Variants in ARFGEF2 observed in about 807,000 individuals in gnomAD.
The protein encoded by ARFGEF2 is brefeldin A-inhibited guanine nucleotide-exchange protein 2.
Under a neutral mutation model 219.9 loss-of-function variants are expected in ARFGEF2, and 74 were observed. The ratio of observed to expected loss-of-function variants is 0.34; its 90% CI spans 0.28 to 0.41. The LOEUF is 0.41. ARFGEF2 is among the 10% of genes least tolerant of loss of function. The pLI is 1.00. For synonymous variants in ARFGEF2, 733 were observed against 799.2 expected (o/e 0.92, Z 1.40); for missense variants, 1,743 against 2,218.3 (o/e 0.79, Z 4.30).
chr20:48,946,157 G>A lies in ARFGEF2; in HGVS notation c.276+4170G>A, dbSNP rs116248584. On this transcript the variant is annotated intron_variant, in intron 3 of 38. Transcript: ENST00000371917. ...ATCGGGGTAAAGTTTGGTTTGGGCA[G>A]AATTGAAACCAGCTGCAGATACATC... Among the ~76,000 whole-genome samples the A allele has an allele frequency of 8.0e-3, 1,216 of 152,300 alleles. 18 individuals are homozygous for A. The highest frequency in any genetic ancestry group is 0.027 in the African/African-American group (1,140 of 41,558).
At chr20:48,931,188 G>C (rs2090910969) in intron 1 of ARFGEF2, among the ~76,000 whole-genome samples, 1 of 152,214 alleles carries the variant, frequency 6.6e-6, no homozygotes, top group Admixed American at 6.5e-5. Flanking sequence ...GTTGGCTGTG[G>C]GAGGAGGGAG....
At chr20:48,936,324 C>T (rs576445346) in intron 1 of ARFGEF2, among the ~76,000 whole-genome samples, 72 of 148,018 alleles carry the variant, frequency 4.9e-4, no homozygotes, top group African/African-American at 1.7e-3. Context: ...CCCTCCCGGA[C>T]GGGGCGGCTG....
At chr20:48,981,255 G>C (rs2091293932) in intron 14 of ARFGEF2, among the ~76,000 whole-genome samples, 1 of 152,168 alleles carries the variant, frequency 6.6e-6, no homozygotes, top group Non-Finnish European at 1.5e-5. Flanking sequence ...AGTTTGGCTG[G>C]ATATGAAATT....
intron 1 of ARFGEF2, among the ~76,000 whole-genome samples, chr20:48,937,799 C>T (rs2090967999): frequency 2.0e-5 from 3 of 152,198 alleles, no homozygotes; most frequent in Admixed American, 2.0e-4. Context: ...AACGCTTGCT[C>T]ATTCCCATTC....
chr20:48,998,428 A>G lies in ARFGEF2; in HGVS notation c.3355A>G (p.Ile1119Val), dbSNP rs758222891. ...GTTCAGCTTGCAGAAGATTGTGGAG[A>G]TATCATACTACAACATGAATCGGAT... ...RMFSLQKIVEISYYNMNRIRL... is the reference protein window; with the variant it reads ...RMFSLQKIVEVSYYNMNRIRL... The change falls in exon 25 of 39, where the codon ATA becomes GTA. Residue 1119 changes from isoleucine to valine, a missense_variant. Ile to Val is a conservative substitution (Grantham distance 29). This residue lies in a region of ARFGEF2 where 3 missense variants were observed against 25.5 expected (regional missense o/e 0.12). Transcript: ENST00000371917. 2.5e-6 allele frequency: 4 copies of G among 1,613,920 alleles called. No individual in the cohort carries two copies. The highest frequency in any genetic ancestry group is 2.7e-5 in the African/African-American group (2 of 74,868).
intron 14 of ARFGEF2, 138 bp from the exon 15 acceptor site, chr20:48,984,591 C>T (rs1416281403): frequency 8.9e-7 from 1 of 1,126,572 alleles, no homozygotes; most frequent in Non-Finnish European, 1.3e-6. Flanking sequence ...GAAAAGCTGC[C>T]AGGACAGACA....
chr20:48,933,890 C>T (rs373890543), intron 1 of ARFGEF2, among the ~76,000 whole-genome samples: 34 of 152,138 alleles, frequency 2.2e-4, no homozygotes, highest in East Asian at 2.1e-3. Flanking sequence ...AAGGCTGAGG[C>T]GGGTGTGTCA....
intron 4 of ARFGEF2, 124 bp downstream of exon 4, chr20:48,951,593 A>C (rs2123350743): frequency 7.6e-7 from 1 of 1,314,560 alleles, no homozygotes; most frequent in East Asian, 2.4e-5. Context: ...AGAAAGATTT[A>C]AGCGTCACTT....
chr20:48,956,631 T>C (rs180841289), intron 6 of ARFGEF2, among the ~76,000 whole-genome samples: 1 of 152,316 alleles, frequency 6.6e-6, no homozygotes, highest in Admixed American at 6.5e-5. Context: ...TGTAGTGCAG[T>C]GGTGAGATCT....
chr20:48,924,451 G>C (rs1450888776), intron 1 of ARFGEF2, among the ~76,000 whole-genome samples: 1 of 146,470 alleles, frequency 6.8e-6, no homozygotes, highest in Non-Finnish European at 1.5e-5. Context: ...GGTGGAGCTT[G>C]CAGTGAGCTG....
At chr20:48,995,956 A>G in intron 23 of ARFGEF2, 74 bp downstream of exon 23, 2 of 1,298,930 alleles carry the variant, frequency 1.5e-6, no homozygotes, top group Middle Eastern at 1.8e-4. Flanking sequence ...CTGGACATGA[A>G]TGATTCCTAA....
chr20:48,992,982 C>T lies in ARFGEF2; in HGVS notation c.2974-1469C>T, dbSNP rs772482295. Among the ~76,000 whole-genome samples, 4 of 152,152 alleles carry T rather than the reference C, an allele frequency of 2.6e-5. No homozygotes were observed. The South Asian group carries it at 8.3e-4, about 32-fold the overall frequency. ...GCAGGATTGCTTGAGCCCAGGAGTT[C>T]AAGGCTGTAGTGAGCCTTGATTGCA... On this transcript the variant is annotated intron_variant, in intron 21 of 38. Transcript: ENST00000371917.
chr20:48,925,049 G>C (rs1412460706), intron 1 of ARFGEF2, among the ~76,000 whole-genome samples: 1 of 152,094 alleles, frequency 6.6e-6, no homozygotes, highest in African/African-American at 2.4e-5. Flanking sequence ...TGCTCTATTT[G>C]GTTTGTAGAT....
intron 13 of ARFGEF2, among the ~76,000 whole-genome samples, chr20:48,975,321 TA>T (rs1244544314): frequency 6.6e-6 from 1 of 152,212 alleles, no homozygotes; most frequent in African/African-American, 2.4e-5. Flanking sequence ...GCTCTGGGAT[TA>T]CAGACGTGAG....
chr20:48,985,204 C>A (rs2091320175), intron 15 of ARFGEF2, among the ~76,000 whole-genome samples: 1 of 139,706 alleles, frequency 7.2e-6, no homozygotes, highest in Admixed American at 8.2e-5. Flanking sequence ...GTGCCCCCTC[C>A]TCTTCCTTCA....
At chr20:48,946,811 T>G (rs1368224443) in intron 3 of ARFGEF2, among the ~76,000 whole-genome samples, 1 of 151,388 alleles carries the variant, frequency 6.6e-6, no homozygotes, top group Admixed American at 6.6e-5. Context: ...GTTTTTTTGG[T>G]TTTTTTTAGA....
intron 27 of ARFGEF2, 140 bp from the exon 28 acceptor site, chr20:49,011,784 T>G: frequency 9.4e-7 from 1 of 1,064,884 alleles, no homozygotes; most frequent in Non-Finnish European, 1.4e-6. Flanking sequence ...CTTCCAAAGA[T>G]ACTGACATGC....
chr20:49,013,707 C>T lies in ARFGEF2; in HGVS notation c.4049+13C>T. ...ATGTACGAACAAGGTAACCATGTTC[C>T]CGTGCGGTGGCCCCTTACATCACTG... is the stretch of plus-strand genomic sequence containing the variant. On this transcript the variant is annotated intron_variant, in intron 29 of 38. Transcript: ENST00000371917. 7 of 1,614,098 alleles carry T rather than the reference C, an allele frequency of 4.3e-6. No homozygotes were observed. The highest frequency in any genetic ancestry group is 5.9e-6 in the Non-Finnish European group (7 of 1,180,012).
At chr20:49,031,465 G>A (rs1158969037) in intron 37 of ARFGEF2, among the ~76,000 whole-genome samples, 1 of 152,056 alleles carries the variant, frequency 6.6e-6, no homozygotes, top group African/African-American at 2.4e-5. Context: ...CTGGCTTCAA[G>A]TGATCTGCTT....
Sources: allele counts gnomAD v4.1 joint callset (sites outside exome capture counted in the v4.1 genomes callset), GRCh38; gene constraint gnomAD v4.1.1; regional missense constraint gnomAD v4.1.1; transcripts MANE v1.5; gene names NCBI Gene and HGNC (gene_info 2026-07-23, HGNC 2026-07-21).